ITGBL1: variants seen among roughly 807,000 people sequenced by gnomAD.
The protein encoded by ITGBL1 is integrin beta-like protein 1.
Under a neutral mutation model 68.5 loss-of-function variants are expected in ITGBL1, and 51 were observed. The ratio of observed to expected loss-of-function variants is 0.74; its 90% confidence interval spans 0.59 to 0.94. ITGBL1 has a LOEUF of 0.94. Ranked by LOEUF, ITGBL1 falls within the 40% of genes least tolerant of loss-of-function variation. The probability of loss-of-function intolerance (pLI) is 0.00; values close to 1 mark genes in which losing one functional copy is unlikely to be tolerated. For missense variants in ITGBL1, 649 were observed against 647.4 expected (o/e 1.00, Z -0.03); for synonymous variants, 209 against 227.3 (o/e 0.92, Z 0.72).
intron 7 of ITGBL1, among the ~76,000 whole-genome samples, chr13:101,613,318 C>G (rs976018157): frequency 3.9e-5 from 6 of 152,066 alleles, no homozygotes; most frequent in Non-Finnish European, 8.8e-5. Flanking sequence ...ATTCATTCAC[C>G]CAGTCAACAT....
At chr13:101,613,065 G>A (rs981521941) in intron 7 of ITGBL1, among the ~76,000 whole-genome samples, 1 of 151,982 alleles carries the variant, frequency 6.6e-6, no homozygotes. Flanking sequence ...GTAGAGTTTT[G>A]TATTTTTAAA....
chr13:101,684,987 T>C (rs747451765), intron 7 of ITGBL1, among the ~76,000 whole-genome samples: 1 of 151,974 alleles, frequency 6.6e-6, no homozygotes, highest in Non-Finnish European at 1.5e-5. Context: ...AAAAGAGTCA[T>C]TTTACATTGT....
chr13:101,516,369 A>G (rs531967896), intron 2 of ITGBL1, among the ~76,000 whole-genome samples: 3 of 152,198 alleles, frequency 2.0e-5, no homozygotes, highest in South Asian at 4.1e-4. Flanking sequence ...ATCTTTGTAT[A>G]CAATCTATTT....
intron 2 of ITGBL1, among the ~76,000 whole-genome samples, chr13:101,538,245 AG>A (rs1455040047): frequency 5.9e-5 from 9 of 152,064 alleles, no homozygotes; most frequent in African/African-American, 1.7e-4. Context: ...TGTGCCCATA[AG>A]CAAATAGTTC....
At chr13:101,583,105 A>G (rs1566742039) in intron 5 of ITGBL1, 111 bp from the exon 6 acceptor site, 1 of 1,024,506 alleles carries the variant, frequency 9.8e-7, no homozygotes, top group East Asian at 2.4e-5. Context: ...GTCTGAATAT[A>G]TGTGTTTTTT....
chr13:101,624,397 C>G (rs1406207261), intron 7 of ITGBL1, among the ~76,000 whole-genome samples: 1 of 152,106 alleles, frequency 6.6e-6, no homozygotes. Flanking sequence ...TTTCCCTGCT[C>G]TGAGCCTTGA....
intron 7 of ITGBL1, among the ~76,000 whole-genome samples, chr13:101,607,506 T>C (rs190634086): frequency 1.7e-3 from 259 of 152,132 alleles, no homozygotes; most frequent in Admixed American, 5.3e-3. Context: ...TAGATATCTA[T>C]ATGTTCTTTT....
In ITGBL1 at chr13:101,627,079, A is replaced by G. The variant is rs561849800; in HGVS notation, c.1015+28780A>G. On this transcript the variant is annotated intron_variant, in intron 7 of 10. Coordinates refer to ENST00000376180, the MANE Select transcript of ITGBL1 (RefSeq NM_004791.3). ...AAAGATAAAACACGAGAATTAAATA[A>G]GGATTGAAACTTGCGGTTTTCTGTT... 3.3e-5 allele frequency among the ~76,000 whole-genome samples: 5 copies of G among 152,336 alleles called. No individual in the cohort carries two copies. The South Asian group carries it at 1.0e-3, about 32-fold the overall frequency.
At chr13:101,577,395 A>G (rs1295082696) in intron 4 of ITGBL1, among the ~76,000 whole-genome samples, 1 of 152,136 alleles carries the variant, frequency 6.6e-6, no homozygotes, top group Non-Finnish European at 1.5e-5. Context: ...AATTATTCAG[A>G]TGTGTCTTGT....
At chr13:101,487,411 A>G (rs1010005518) in intron 2 of ITGBL1, among the ~76,000 whole-genome samples, 8 of 152,244 alleles carry the variant, frequency 5.3e-5, no homozygotes, top group Non-Finnish European at 1.2e-4. Context: ...ATGTCATTAA[A>G]AAAAGAAAGT....
rs1042940001 is a variant in ITGBL1 at position 101,564,790 on chromosome 13, C to T, written c.317-2909C>T. On this transcript the variant is annotated intron_variant, in intron 2 of 10. Transcript: ENST00000376180. Reference sequence around the variant, plus strand: ...TATGTAATTATATATGTTATATAGTCATATATAAAAAATGACTCTGCAATT... The same window carrying T: ...TATGTAATTATATATGTTATATAGTTATATATAAAAAATGACTCTGCAATT... Among the ~76,000 whole-genome samples, 3 of 150,150 alleles carry T rather than the reference C, an allele frequency of 2.0e-5. No individual in the cohort carries two copies. The East Asian group carries it at 5.8e-4, about 29-fold the overall frequency.
chr13:101,688,795 A>G (rs1031661956), intron 7 of ITGBL1, among the ~76,000 whole-genome samples: 13 of 152,334 alleles, frequency 8.5e-5, no homozygotes, highest in African/African-American at 2.9e-4. Context: ...GGAGAGATAT[A>G]CCATTTCAAA....
rs976181401 is a variant in ITGBL1, at chr13:101,456,731, T to A, written c.316+2631T>A. ...GGATTCAAGACTAGCCTGGAGAACA[T>A]GGTGAAACACCATCCCTACTAAAAA... is the stretch of plus-strand genomic sequence containing the variant. On this transcript the variant is annotated intron_variant, in intron 2 of 10. Coordinates refer to ENST00000376180, the MANE Select transcript of ITGBL1 (RefSeq NM_004791.3). Among the ~76,000 whole-genome samples, 41 of 152,088 alleles carry A rather than the reference T, an allele frequency of 2.7e-4. 1 individual carries two copies. Among genetic ancestry groups the A allele is most frequent in the Admixed American group, 2.5e-3 (38 of 15,282 alleles).
chr13:101,569,694 T>A (rs1659730257), intron 3 of ITGBL1, among the ~76,000 whole-genome samples: 1 of 152,148 alleles, frequency 6.6e-6, no homozygotes, highest in African/African-American at 2.4e-5. Flanking sequence ...AAAGTGTACT[T>A]ATCTTGGATT....
rs2050342416 is a variant in ITGBL1, at chr13:101,575,463, A to G, written c.503A>G (p.Asp168Gly). Reference protein sequence around the residue: ...HCGRCKCDNSDGSGLVYGKFC... With the variant: ...HCGRCKCDNSGGSGLVYGKFC... Reference sequence around the variant, plus strand: ...GGCAGGTGTAAGTGTGATAATTCAGATGGAAGTGGACTTGTGTATGGTAAA... The same window carrying G: ...GGCAGGTGTAAGTGTGATAATTCAGGTGGAAGTGGACTTGTGTATGGTAAA... The change falls in exon 4 of 11, where the codon GAT becomes GGT. Residue 168 changes from aspartate to glycine, a missense_variant. Transcript: ENST00000376180. 6.2e-7 allele frequency: 1 copy of G among 1,613,074 alleles called. No individual in the cohort carries two copies. The highest frequency in any genetic ancestry group is 8.5e-7 in the Non-Finnish European group (1 of 1,179,214).
At chr13:101,688,090 G>A (rs184032776) in intron 7 of ITGBL1, among the ~76,000 whole-genome samples, 2 of 151,994 alleles carry the variant, frequency 1.3e-5, no homozygotes, top group Non-Finnish European at 2.9e-5. Flanking sequence ...GAAAAAGATT[G>A]GACTCAATTT....
chr13:101,587,933 G>A (rs1370587359), intron 6 of ITGBL1, among the ~76,000 whole-genome samples: 1 of 149,976 alleles, frequency 6.7e-6, no homozygotes, highest in Non-Finnish European at 1.5e-5. Context: ...CATGTTAACA[G>A]ACGATTCAAA....
At chr13:101,547,638 T>G (rs2049849113) in intron 2 of ITGBL1, among the ~76,000 whole-genome samples, 1 of 151,832 alleles carries the variant, frequency 6.6e-6, no homozygotes, top group African/African-American at 2.4e-5. Flanking sequence ...AGATCTAGTA[T>G]TTGACAGCTC....
chr13:101,651,060 G>C (rs943069473), intron 7 of ITGBL1, among the ~76,000 whole-genome samples: 24 of 152,142 alleles, frequency 1.6e-4, no homozygotes, highest in African/African-American at 5.8e-4. Flanking sequence ...ATGGGCATTT[G>C]GGTTGATTGC....
Sources: allele counts gnomAD v4.1 joint callset (sites outside exome capture counted in the v4.1 genomes callset), GRCh38; gene constraint gnomAD v4.1.1; transcripts MANE v1.5; gene names NCBI Gene and HGNC (gene_info 2026-07-23, HGNC 2026-07-21).